Variants in C1orf21 observed in about 807,000 individuals in gnomAD.
C1orf21 encodes the protein uncharacterized protein C1orf21.
In C1orf21, 3 loss-of-function variants were observed where a neutral mutation model predicts 18.7. The observed-to-expected ratio is 0.16, with a 90% confidence interval of 0.07 to 0.42. C1orf21 has a LOEUF of 0.42. Among genes scored for constraint, C1orf21 ranks in the 10% least tolerant of loss-of-function variants. C1orf21 has a pLI of 0.99. For missense variants in C1orf21, 104 were observed against 143.6 expected, an observed-to-expected ratio of 0.72 and a Z score of 1.41; for synonymous variants, 41 against 46.4, an observed-to-expected ratio of 0.88 and a Z score of 0.47.
intron 1 of C1orf21, among the ~76,000 whole-genome samples, chr1:184,471,400 T>C (rs538814249): frequency 1.3e-5 from 2 of 152,298 alleles, no homozygotes; most frequent in East Asian, 3.9e-4. Context: ...CCTAGTTGAG[T>C]TAGTACTGAA....
At chr1:184,518,641 A>G (rs1411774220) in intron 3 of C1orf21, among the ~76,000 whole-genome samples, 1 of 152,156 alleles carries the variant, frequency 6.6e-6, no homozygotes, top group Non-Finnish European at 1.5e-5. Context: ...CTACATGCTC[A>G]ACACTGAACT....
intron 3 of C1orf21, among the ~76,000 whole-genome samples, chr1:184,559,619 C>CTTCCTTCCTCTCTCTTTCT (rs1658934150): frequency 6.8e-6 from 1 of 147,078 alleles, no homozygotes; most frequent in Non-Finnish European, 1.5e-5. Context: ...TCCTCCCTCC[C>CTTCCTTCCTCTCTCTTTCT]TCCCTCCCTT....
At chr1:184,489,054 T>A (rs567038951) in intron 2 of C1orf21, among the ~76,000 whole-genome samples, 5 of 152,324 alleles carry the variant, frequency 3.3e-5, no homozygotes, top group African/African-American at 1.2e-4. Context: ...TGTCTTTCTC[T>A]TAATGCTACA....
At chr1:184,484,627 C>T (rs1287607977) in intron 2 of C1orf21, among the ~76,000 whole-genome samples, 1 of 152,170 alleles carries the variant, frequency 6.6e-6, no homozygotes, top group Non-Finnish European at 1.5e-5. Flanking sequence ...ACTGAACCAG[C>T]CCTCCCATAT....
At chr1:184,542,889 C>T (rs1415588280) in intron 3 of C1orf21, among the ~76,000 whole-genome samples, 5 of 152,254 alleles carry the variant, frequency 3.3e-5, no homozygotes, top group African/African-American at 1.2e-4. Flanking sequence ...CCACATTATC[C>T]TAAGGGAGGA....
At chr1:184,546,736 A>G (rs1658733681) in intron 3 of C1orf21, among the ~76,000 whole-genome samples, 1 of 152,212 alleles carries the variant, frequency 6.6e-6, no homozygotes, top group South Asian at 2.1e-4. Flanking sequence ...AGGACAAAAC[A>G]AAAGGCAACC....
intron 1 of C1orf21, among the ~76,000 whole-genome samples, chr1:184,410,661 A>AT (rs1324215272): frequency 0.013 from 79 of 6,138 alleles, no homozygotes; most frequent in Non-Finnish European, 0.015. Context: ...ATATATATAT[A>AT]TATTTTTTTT....
intron 1 of C1orf21, among the ~76,000 whole-genome samples, chr1:184,442,500 G>A (rs1040933676): frequency 3.3e-5 from 5 of 152,130 alleles, no homozygotes; most frequent in Non-Finnish European, 5.9e-5. Context: ...CCCTCCCTTT[G>A]GTTGGCATGT....
chr1:184,454,882 A>G (rs764845959), intron 1 of C1orf21, among the ~76,000 whole-genome samples: 1 of 152,116 alleles, frequency 6.6e-6, no homozygotes, highest in Non-Finnish European at 1.5e-5. Flanking sequence ...ATAGATATAT[A>G]TATAATAGAG....
intron 2 of C1orf21, among the ~76,000 whole-genome samples, chr1:184,487,920 G>A (rs1258053891): frequency 6.6e-6 from 1 of 152,204 alleles, no homozygotes; most frequent in African/African-American, 2.4e-5. Flanking sequence ...CTTGGCACAT[G>A]ATAAGCACTG....
At chr1:184,537,460 T>C (rs1658575151) in intron 3 of C1orf21, among the ~76,000 whole-genome samples, 1 of 152,186 alleles carries the variant, frequency 6.6e-6, no homozygotes, top group South Asian at 2.1e-4. Flanking sequence ...GTATCCTGTA[T>C]CAAAATTTCC....
At chr1:184,573,168 C>G (rs555212493) in intron 3 of C1orf21, among the ~76,000 whole-genome samples, 1 of 151,980 alleles carries the variant, frequency 6.6e-6, no homozygotes, top group Non-Finnish European at 1.5e-5. Flanking sequence ...TTCCATTTAC[C>G]CTGAGAATAC....
At chr1:184,613,349 T>A (rs1322137010) in intron 5 of C1orf21, among the ~76,000 whole-genome samples, 1 of 152,240 alleles carries the variant, frequency 6.6e-6, no homozygotes, top group African/African-American at 2.4e-5. Context: ...CCCCCATGGA[T>A]AAGCAGAGAC....
intron 3 of C1orf21, among the ~76,000 whole-genome samples, chr1:184,553,140 C>G (rs777207420): frequency 1.3e-5 from 2 of 152,034 alleles, no homozygotes; most frequent in Non-Finnish European, 2.9e-5. Flanking sequence ...CTGGGTACGA[C>G]TTGTCACAGA....
At chr1:184,462,472 A>G (rs548645036) in intron 1 of C1orf21, among the ~76,000 whole-genome samples, 2 of 152,182 alleles carry the variant, frequency 1.3e-5, no homozygotes, top group Admixed American at 6.5e-5. Flanking sequence ...TAGCAGATCT[A>G]CAGGCCCATA....
chr1:184,595,475 A>G (rs911370243), intron 4 of C1orf21, among the ~76,000 whole-genome samples: 21 of 152,268 alleles, frequency 1.4e-4, no homozygotes, highest in African/African-American at 3.8e-4. Context: ...TGCTGTGTGG[A>G]TAAGTTTCTT....
intron 3 of C1orf21, among the ~76,000 whole-genome samples, chr1:184,526,038 G>A (rs1658372368): frequency 6.6e-6 from 1 of 152,176 alleles, no homozygotes; most frequent in African/African-American, 2.4e-5. Context: ...GTACTGTTGT[G>A]AAGCTATTCC....
At chr1:184,424,942 T>A (rs1454935226) in intron 1 of C1orf21, among the ~76,000 whole-genome samples, 29 of 152,216 alleles carry the variant, frequency 1.9e-4, no homozygotes, top group Non-Finnish European at 1.5e-5. Flanking sequence ...TAGCCCTGTA[T>A]ACCTTGAATG....
At chr1:184,395,793 T>A (rs1397198179) in intron 1 of C1orf21, among the ~76,000 whole-genome samples, 1 of 152,104 alleles carries the variant, frequency 6.6e-6, no homozygotes, top group Non-Finnish European at 1.5e-5. Context: ...GTTTGGACAA[T>A]AAATGATGAC....
Sources: allele counts gnomAD v4.1 joint callset (sites outside exome capture counted in the v4.1 genomes callset), GRCh38; gene constraint gnomAD v4.1.1; transcripts MANE v1.5; gene names NCBI Gene and HGNC (gene_info 2026-07-23, HGNC 2026-07-21).